The following HS3ST4 variants were observed in gnomAD, a reference collection of about 807,000 sequenced individuals.
HS3ST4 encodes the protein heparan sulfate glucosamine 3-O-sulfotransferase 4.
HS3ST4 carries 17 observed loss-of-function variants against 29.2 expected under a neutral mutation model. The observed-to-expected ratio is 0.58, with a 90% CI of 0.40 to 0.87. The LOEUF (loss-of-function observed/expected upper bound fraction) is 0.87, where lower values mean the gene tolerates loss of function less well. HS3ST4 is among the 40% of genes least tolerant of loss of function. HS3ST4 has a pLI of 0.00. For missense variants in HS3ST4, 627 were observed against 634.5 expected, an observed-to-expected ratio of 0.99 and a Z score of 0.13; for synonymous variants, 314 against 285.7, an observed-to-expected ratio of 1.10 and a Z score of -1.00.
intron 1 of HS3ST4, among the ~76,000 whole-genome samples, chr16:25,949,687 A>G (rs544881957): frequency 1.3e-5 from 2 of 152,296 alleles, no homozygotes; most frequent in East Asian, 1.9e-4. Flanking sequence ...AAGGAGAAAT[A>G]TCATGAATAA....
chr16:25,696,848 AT>A (rs1415834880), intron 1 of HS3ST4, among the ~76,000 whole-genome samples: 1 of 152,246 alleles, frequency 6.6e-6, no homozygotes, highest in African/African-American at 2.4e-5. Flanking sequence ...AATGCCTGCC[AT>A]TGTGGCAATT....
chr16:25,940,143 C>T (rs1000353425), intron 1 of HS3ST4, among the ~76,000 whole-genome samples: 1 of 151,962 alleles, frequency 6.6e-6, no homozygotes, highest in East Asian at 1.9e-4. Context: ...TGGAAATTGC[C>T]ATCAGAGCCT....
At chr16:25,816,342 C>T (rs1252234445) in intron 1 of HS3ST4, among the ~76,000 whole-genome samples, 3 of 152,140 alleles carry the variant, frequency 2.0e-5, no homozygotes, top group Non-Finnish European at 4.4e-5. Flanking sequence ...TCATCACTTC[C>T]GAAAGCTTCC....
intron 1 of HS3ST4, among the ~76,000 whole-genome samples, chr16:26,027,810 G>A (rs940267990): frequency 5.3e-5 from 8 of 152,124 alleles, no homozygotes; most frequent in Non-Finnish European, 1.2e-4. Context: ...ATACTTGTTC[G>A]AGTTCACACA....
At chr16:26,040,322 G>A (rs113138661) in intron 1 of HS3ST4, among the ~76,000 whole-genome samples, 2,397 of 145,248 alleles carry the variant, frequency 0.017, 61 homozygotes, top group African/African-American at 0.056. Flanking sequence ...TTGAGACGGA[G>A]TTTCACTCTT....
At chr16:25,709,183 A>T (rs896261009) in intron 1 of HS3ST4, among the ~76,000 whole-genome samples, 2 of 151,824 alleles carry the variant, frequency 1.3e-5, no homozygotes, top group African/African-American at 4.8e-5. Context: ...CTGAGTTCTC[A>T]AAACTTCTCT....
intron 1 of HS3ST4, among the ~76,000 whole-genome samples, chr16:25,896,108 G>A (rs1968061404): frequency 6.6e-6 from 1 of 152,068 alleles, no homozygotes; most frequent in Non-Finnish European, 1.5e-5. Context: ...GATTCTCCTG[G>A]GATTTAAAGC....
rs1346698310 is a variant in HS3ST4 at position 26,093,202 on chromosome 16, A to C, written c.735-42410A>C. Among the ~76,000 whole-genome samples, 4 of 152,190 alleles carry C rather than the reference A, an allele frequency of 2.6e-5. No homozygotes were observed. The East Asian group carries it at 7.7e-4, about 29-fold the overall frequency. On this transcript the variant is annotated intron_variant, in intron 1 of 1. Coordinates refer to ENST00000331351, the MANE Select transcript of HS3ST4 (RefSeq NM_006040.3). ...GCAGCAGACAACTTCTGCAGATTTA[A>C]GTGTCCCTGTCTGACAGCTCTGAAG...
chr16:25,916,289 A>G (rs1444664272), intron 1 of HS3ST4, among the ~76,000 whole-genome samples: 1 of 152,180 alleles, frequency 6.6e-6, no homozygotes, highest in African/African-American at 2.4e-5. Context: ...GTAACATGCA[A>G]TTGGAGATTT....
At chr16:25,817,394 GT>G (rs763435845) in intron 1 of HS3ST4, among the ~76,000 whole-genome samples, 14 of 152,188 alleles carry the variant, frequency 9.2e-5, no homozygotes, top group African/African-American at 1.2e-4. Context: ...GGTTTTGAGG[GT>G]CATACAACCT....
Position 25,692,769 on chromosome 16 carries a change from C to A in HS3ST4, c.352C>A (p.Pro118Thr), listed in dbSNP as rs1966264190. 2 of 1,342,458 alleles carry A rather than the reference C, an allele frequency of 1.5e-6. No individual in the cohort carries two copies. Among genetic ancestry groups the A allele is most frequent in the Non-Finnish European group, 1.9e-6 (2 of 1,056,100 alleles). The allele number at this position is 1,342,458 out of a possible 1,614,324, so 83.2% of individuals were successfully genotyped here. ...GGAGCCGCCCGAGCCCCCAGAGCAG[C>A]CAGCCGCCCCCGGGACCGACGGCTG... The part of the protein sequence containing the change: ...HGEPPEPPEQ[P>T]AAPGTDGWGL... The change falls in exon 1 of 2, where the codon CCA (proline) becomes ACA (threonine). Residue 118 changes from proline (P) to threonine (T), a missense_variant. Pro to Thr is a conservative substitution (Grantham distance 38). Coordinates refer to ENST00000331351, the MANE Select transcript of HS3ST4 (RefSeq NM_006040.3).
chr16:25,940,302 A>C (rs1968560448), intron 1 of HS3ST4, among the ~76,000 whole-genome samples: 1 of 151,970 alleles, frequency 6.6e-6, no homozygotes, highest in African/African-American at 2.4e-5. Context: ...ATGTACGATT[A>C]AGCCTTAATA....
At chr16:25,733,095 C>T (rs924556585) in intron 1 of HS3ST4, among the ~76,000 whole-genome samples, 1 of 152,154 alleles carries the variant, frequency 6.6e-6, no homozygotes, top group Non-Finnish European at 1.5e-5. Context: ...GAACGTTATA[C>T]CTAGGCTTTC....
chr16:26,025,119 T>A (rs1001117843), intron 1 of HS3ST4: 1 of 152,204 alleles, frequency 6.6e-6, no homozygotes, highest in South Asian at 2.1e-4. Context: ...GAATAAAAAA[T>A]TACATTCCTA....
chr16:25,777,491 G>C (rs1282532461), intron 1 of HS3ST4, among the ~76,000 whole-genome samples: 1 of 152,222 alleles, frequency 6.6e-6, no homozygotes, highest in East Asian at 1.9e-4. Context: ...ATACAAGGCT[G>C]GGCGCGGTGG....
chr16:26,114,888 A>G (rs937227203), intron 1 of HS3ST4, among the ~76,000 whole-genome samples: 1 of 152,268 alleles, frequency 6.6e-6, no homozygotes, highest in East Asian at 1.9e-4. Flanking sequence ...TATATTAGGG[A>G]AATACTCAAG....
At chr16:25,695,118 C>T (rs1966285478) in intron 1 of HS3ST4, among the ~76,000 whole-genome samples, 1 of 152,200 alleles carries the variant, frequency 6.6e-6, no homozygotes, top group African/African-American at 2.4e-5. Flanking sequence ...CTGTGGTATG[C>T]CCAGCCTTCT....
intron 1 of HS3ST4, among the ~76,000 whole-genome samples, chr16:25,925,584 C>T (rs1349332530): frequency 6.6e-6 from 1 of 152,186 alleles, no homozygotes; most frequent in East Asian, 1.9e-4. Flanking sequence ...AAAGAAGCTG[C>T]AAATCCCCTA....
At chr16:25,904,606 C>T (rs1249163318) in intron 1 of HS3ST4, among the ~76,000 whole-genome samples, 1 of 152,140 alleles carries the variant, frequency 6.6e-6, no homozygotes, top group Non-Finnish European at 1.5e-5. Flanking sequence ...GAAAGTCATT[C>T]ATTCATTTAT....
Sources: allele counts gnomAD v4.1 joint callset (sites outside exome capture counted in the v4.1 genomes callset), GRCh38; gene constraint gnomAD v4.1.1; transcripts MANE v1.5; gene names NCBI Gene and HGNC (gene_info 2026-07-23, HGNC 2026-07-21).